Variants in MICAL3 observed in about 807,000 individuals in gnomAD.
MICAL3 encodes the protein [F-actin]-monooxygenase MICAL3.
MICAL3 carries 62 observed loss-of-function variants against 207.4 expected under a neutral mutation model. The observed-to-expected ratio is 0.30, with a 90% CI of 0.24 to 0.37. The LOEUF (loss-of-function observed/expected upper bound fraction) is 0.37. Ranked by LOEUF, MICAL3 falls within the 10% of genes least tolerant of loss-of-function variation. The pLI is 1.00. For missense variants in MICAL3, 2,368 were observed against 2,635.6 expected, an observed-to-expected ratio of 0.90 and a Z score of 2.22; for synonymous variants, 1,077 against 1,069.3, an observed-to-expected ratio of 1.01 and a Z score of -0.14.
At chr22:18,018,715 C>G (rs1176525589) in intron 1 of MICAL3, among the ~76,000 whole-genome samples, 3 of 151,224 alleles carry the variant, frequency 2.0e-5, no homozygotes, top group Non-Finnish European at 2.9e-5. Context: ...AAGACTCTGT[C>G]TCAAGAAAAA....
chr22:17,906,915 G>A (rs1931761899), intron 1 of MICAL3, 29 bp from the exon 2 acceptor site: 3 of 1,152,208 alleles, frequency 2.6e-6, no homozygotes, highest in South Asian at 1.6e-5. Context: ...AACGTGGTTA[G>A]CATTTCTCTG....
rs1931393665 is a variant in MICAL3, at chr22:17,902,347, C to T, written c.589+284G>A. On this transcript the variant is annotated intron_variant, in intron 4 of 31. Transcript: ENST00000441493. This position sits in a 1 kb window ranked among gnomAD's most constrained non-coding sequence, Gnocchi z 4.5. Reference sequence around the variant, plus strand: ...TCACAGTGAGCCAAGATTGAGCTACCGCACTCCAGGCTAGGCGACAGAGTG... The same window carrying T: ...TCACAGTGAGCCAAGATTGAGCTACTGCACTCCAGGCTAGGCGACAGAGTG... Among the ~76,000 whole-genome samples, 1 of 152,176 alleles carries T rather than the reference C, an allele frequency of 6.6e-6. No individual in the cohort carries two copies. The highest frequency in any genetic ancestry group is 1.5e-5 in the Non-Finnish European group (1 of 68,032).
intron 1 of MICAL3, among the ~76,000 whole-genome samples, chr22:17,969,532 C>T (rs1359190738): frequency 6.6e-6 from 1 of 151,826 alleles, no homozygotes; most frequent in African/African-American, 2.4e-5. Flanking sequence ...TTTTTTTTCT[C>T]TTCCTTCCTT....
intron 19 of MICAL3, among the ~76,000 whole-genome samples, chr22:17,847,923 C>T (rs1274707488): frequency 6.6e-6 from 1 of 152,154 alleles, no homozygotes; most frequent in Non-Finnish European, 1.5e-5. Context: ...GCTCGGCCTC[C>T]CAAGTAGCTG....
intron 3 of MICAL3, among the ~76,000 whole-genome samples, chr22:17,903,942 T>C (rs1569126564): frequency 1.3e-5 from 2 of 152,270 alleles, no homozygotes; most frequent in Admixed American, 6.5e-5. Flanking sequence ...CTGTCTGTTC[T>C]GAATTGCTTT....
intron 1 of MICAL3, among the ~76,000 whole-genome samples, chr22:17,993,428 C>T (rs1921916134): frequency 6.6e-6 from 1 of 152,176 alleles, no homozygotes; most frequent in African/African-American, 2.4e-5. Context: ...TGCCTTCCTC[C>T]ACCCCTGGCC....
At chr22:17,941,093 C>T (rs886456975) in intron 1 of MICAL3, among the ~76,000 whole-genome samples, 12 of 152,196 alleles carry the variant, frequency 7.9e-5, no homozygotes, top group Non-Finnish European at 4.4e-5. Context: ...GCTTCCACTC[C>T]GTCTCAAACA....
chr22:17,906,909 T>G, intron 1 of MICAL3, 23 bp from the exon 2 acceptor site: 1 of 1,229,138 alleles, frequency 8.1e-7, no homozygotes, highest in Non-Finnish European at 1.1e-6. Flanking sequence ...AAGAAAAACG[T>G]GGTTAGCATT....
intron 16 of MICAL3, among the ~76,000 whole-genome samples, chr22:17,872,567 C>T (rs1927832937): frequency 6.6e-6 from 1 of 152,202 alleles, no homozygotes; most frequent in South Asian, 2.1e-4. Context: ...ATGTGGGTCC[C>T]TGGACTCACA....
intron 29 of MICAL3, among the ~76,000 whole-genome samples, chr22:17,795,387 G>A (rs1452728923): frequency 1.3e-5 from 2 of 152,200 alleles, no homozygotes; most frequent in South Asian, 2.1e-4. Context: ...AGGTGAATAG[G>A]CCATGCTGTG....
chr22:17,870,349 G>A (rs1015559048), intron 17 of MICAL3, among the ~76,000 whole-genome samples: 2 of 152,172 alleles, frequency 1.3e-5, no homozygotes, highest in African/African-American at 2.4e-5. Context: ...CCTCCCCTGT[G>A]CTTCTACAAA....
At chr22:17,955,561 A>T (rs1274907274) in intron 1 of MICAL3, among the ~76,000 whole-genome samples, 1 of 152,198 alleles carries the variant, frequency 6.6e-6, no homozygotes, top group East Asian at 1.9e-4. Flanking sequence ...CCTGGCTGAG[A>T]ACCACTGAAA....
intron 19 of MICAL3, among the ~76,000 whole-genome samples, chr22:17,851,787 T>C (rs1371032286): frequency 6.6e-6 from 1 of 152,156 alleles, no homozygotes; most frequent in African/African-American, 2.4e-5. Context: ...ACAGAGGACA[T>C]CAAAGTTCTG....
intron 28 of MICAL3, among the ~76,000 whole-genome samples, chr22:17,810,491 G>A (rs1324038425): frequency 1.3e-5 from 2 of 152,136 alleles, no homozygotes; most frequent in Admixed American, 1.3e-4. Context: ...GAGCCACCAC[G>A]CCCAGCCTGC....
rs560246130 is a variant in MICAL3 at position 17,865,381 on chromosome 22, C to T, written c.2518-395G>A. Reference sequence around the variant, plus strand: ...ATGCTGAAGAGACTGCTGGGTTCACCGCGACAAAGACAGGTGGAGAAGCCA... The same window carrying T: ...ATGCTGAAGAGACTGCTGGGTTCACTGCGACAAAGACAGGTGGAGAAGCCA... On this transcript the variant is annotated intron_variant, in intron 18 of 31. Coordinates refer to ENST00000441493, the MANE Select transcript of MICAL3 (RefSeq NM_015241.3). Among the ~76,000 whole-genome samples, 16 of 152,290 alleles carry T rather than the reference C, an allele frequency of 1.1e-4. No individual in the cohort carries two copies. In the South Asian group the frequency reaches 2.1e-3, roughly 20 times the overall value.
chr22:17,808,471 T>C (rs1421894851), intron 29 of MICAL3, among the ~76,000 whole-genome samples: 1 of 152,214 alleles, frequency 6.6e-6, no homozygotes, highest in African/African-American at 2.4e-5. Context: ...GCTGGGGACC[T>C]GCTCAGTGCA....
chr22:17,868,777 C>G (rs187666624), intron 17 of MICAL3, among the ~76,000 whole-genome samples: 41 of 152,162 alleles, frequency 2.7e-4, no homozygotes, highest in Non-Finnish European at 4.4e-5. Flanking sequence ...ATTCATTCAC[C>G]CAGGCCCGAG....
At chr22:17,895,757 T>C (rs1028463541) in intron 9 of MICAL3, among the ~76,000 whole-genome samples, 5 of 152,122 alleles carry the variant, frequency 3.3e-5, no homozygotes, top group Non-Finnish European at 5.9e-5. Flanking sequence ...AAAAGAATTA[T>C]CACTATATTT....
rs111525896 is a variant in MICAL3 at position 17,806,303 on chromosome 22, G to A, written c.5650+2541C>T. ...ACTGACAGCACGCACGCCTGTCAGC[G>A]AGTCCCTTTATGTAGGTGGGTAACA... On this transcript the variant is annotated intron_variant, in intron 29 of 31. Coordinates refer to ENST00000441493, the MANE Select transcript of MICAL3 (RefSeq NM_015241.3). Among the ~76,000 whole-genome samples, 319 of 152,344 alleles carry A rather than the reference G, an allele frequency of 2.1e-3. 2 individuals carry two copies. The highest frequency in any genetic ancestry group is 7.2e-3 in the African/African-American group (301 of 41,572).
Sources: gnomAD v4.1 joint callset for allele counts (sites outside exome capture counted in the v4.1 genomes callset) on GRCh38, gnomAD v4.1.1 for gene constraint, Gnocchi (gnomAD v3.1) non-coding constraint, MANE v1.5 for transcripts, NCBI Gene and HGNC (gene_info 2026-07-23, HGNC 2026-07-21) for gene names.